Variants in GNB5 observed in about 807,000 individuals in gnomAD.
The protein encoded by GNB5 is guanine nucleotide-binding protein subunit beta-5.
Under a neutral mutation model 55.3 loss-of-function variants are expected in GNB5, and 37 were observed. That is an observed-to-expected ratio of 0.67 (90% CI 0.51 to 0.88). GNB5 has a LOEUF of 0.88. Ranked by LOEUF, GNB5 falls within the 40% of genes least tolerant of loss-of-function variation. The pLI, the probability that GNB5 is intolerant of heterozygous loss-of-function variation, is 0.00. For synonymous variants in GNB5, 219 were observed against 198.5 expected, an observed-to-expected ratio of 1.10 and a Z score of -0.87; for missense variants, 476 against 515.3, an observed-to-expected ratio of 0.92 and a Z score of 0.74.
chr15:52,155,024 G>C (rs2141216200), intron 3 of GNB5, among the ~76,000 whole-genome samples: 1 of 152,184 alleles, frequency 6.6e-6, no homozygotes, highest in East Asian at 1.9e-4. Context: ...AGCTGGTCCA[G>C]GCCCTTCATC....
At chr15:52,156,793 A>G (rs749131389) in intron 3 of GNB5, among the ~76,000 whole-genome samples, 8 of 152,196 alleles carry the variant, frequency 5.3e-5, no homozygotes, top group African/African-American at 7.2e-5. Flanking sequence ...CTAAAGTGCT[A>G]CATGAATGTT....
In GNB5 at chr15:52,189,899, G is replaced by A. The variant is rs559082147; in HGVS notation, c.-19+1423C>T. ...AGACATGAAGCAGATGAGTAGTTGC[G>A]AGGTGGAGGGAAGAGAGAATAAGGG... On this transcript the variant is annotated intron_variant, in intron 1 of 12. Transcript: ENST00000261837. Among the ~76,000 whole-genome samples, 8 of 152,274 alleles carry A rather than the reference G, an allele frequency of 5.3e-5. No individual in the cohort carries two copies. In the South Asian group the frequency reaches 1.2e-3, roughly 24 times the overall value.
intron 6 of GNB5, among the ~76,000 whole-genome samples, chr15:52,144,930 G>C (rs2033938075): frequency 2.6e-5 from 4 of 152,218 alleles, no homozygotes; most frequent in South Asian, 2.1e-4. Flanking sequence ...TCTGCCCCAG[G>C]GGTCTCCTCC....
At chr15:52,133,048 T>G (rs1406603787) in intron 9 of GNB5, among the ~76,000 whole-genome samples, 3 of 152,218 alleles carry the variant, frequency 2.0e-5, no homozygotes, top group Non-Finnish European at 4.4e-5. Flanking sequence ...TGTAAGAGAA[T>G]AGAGACCTTG....
chr15:52,153,028 G>T (rs1191509083), intron 4 of GNB5, among the ~76,000 whole-genome samples: 1 of 152,226 alleles, frequency 6.6e-6, no homozygotes, highest in African/African-American at 2.4e-5. Flanking sequence ...GACTCCAAGT[G>T]AGTCCCAAAT....
chr15:52,124,739 C>A (rs8040498), intron 11 of GNB5, 100 bp from the exon 12 acceptor site: 2 of 993,776 alleles, frequency 2.0e-6, no homozygotes, highest in Non-Finnish European at 3.1e-6. Context: ...GTGATTCAGG[C>A]GCACTGAGTC....
chr15:52,126,680 T>C lies in GNB5; in HGVS notation c.913-636A>G, dbSNP rs74659641. ...TATGATGACTATTCTTATATAAAAA[T>C]CTTTACATGTGTTTCTGGTTTCCTT... On this transcript the variant is annotated intron_variant, in intron 10 of 12. Transcript: ENST00000261837. Among the ~76,000 whole-genome samples, 6 of 152,350 alleles carry C rather than the reference T, an allele frequency of 3.9e-5. No homozygotes were observed. In the East Asian group the frequency reaches 9.6e-4, roughly 24 times the overall value.
chr15:52,141,259 T>C lies in GNB5; in HGVS notation c.508A>G (p.Lys170Glu). The part of the protein sequence containing the change: ...CAIACGGLDN[K>E]CSVYPLTFDK... ...AACGTCAAGGGGTACACAGAACACT[T>C]ATTATCCAAACCACTAGGATGGAAA... is the stretch of plus-strand genomic sequence containing the variant. The change falls in exon 7 of 13, where the codon AAG becomes GAG. Residue 170 changes from lysine to glutamate, a missense_variant. Lys to Glu is a moderately conservative substitution (Grantham distance 56, BLOSUM62 1). Transcript: ENST00000261837. The C allele has an allele frequency of 6.2e-7, 1 of 1,613,840 alleles. No individual in the cohort carries two copies. The highest frequency in any genetic ancestry group is 8.5e-7 in the Non-Finnish European group (1 of 1,179,718).
chr15:52,168,789 C>T (rs558385843), intron 3 of GNB5, among the ~76,000 whole-genome samples: 3 of 151,986 alleles, frequency 2.0e-5, no homozygotes, highest in African/African-American at 4.8e-5. Flanking sequence ...CCAATGGAAC[C>T]GAATGGAGAG....
rs1386311894 is a variant in GNB5 at position 52,120,217 on chromosome 15, C to G, written c.*2540G>C. ...TGGTTTGGTAGGTTTATCCCCAAGT[C>G]CTCTGGAAAAAAGAAAAGCTGATTA... On this transcript the variant is annotated 3_prime_UTR_variant, in exon 13 of 13. Transcript: ENST00000261837. 1 of 152,170 alleles carries G rather than the reference C, an allele frequency of 6.6e-6. No homozygotes were observed. The highest frequency in any genetic ancestry group is 1.5e-5 in the Non-Finnish European group (1 of 68,044). 9.4% of individuals were successfully genotyped at this position (152,170 alleles called of 1,614,324 possible).
At chr15:52,167,750 G>A (rs986797106) in intron 3 of GNB5, among the ~76,000 whole-genome samples, 1 of 151,398 alleles carries the variant, frequency 6.6e-6, no homozygotes, top group Non-Finnish European at 1.5e-5. Context: ...ATCAATAAAT[G>A]ATTCCCAATA....
In GNB5 at chr15:52,115,388, G is replaced by T. The variant is rs1228471688; in HGVS notation, c.*7369C>A. The T allele has an allele frequency of 6.6e-6, 1 of 152,164 alleles. No homozygotes were observed. The highest frequency in any genetic ancestry group is 1.5e-5 in the Non-Finnish European group (1 of 68,036). 9.4% of individuals were successfully genotyped at this position (152,164 alleles called of 1,614,324 possible). On this transcript the variant is annotated 3_prime_UTR_variant, in exon 13 of 13. Transcript: ENST00000261837. ...CAACTTGGAAGCTGTGCAGCTATGG[G>T]CAAGTTATTCAACTCTCCTAACCTC...
At chr15:52,179,963 C>A in intron 2 of GNB5, 84 bp from the exon 3 acceptor site, 6 of 1,387,216 alleles carry the variant, frequency 4.3e-6, no homozygotes, top group South Asian at 2.9e-5. Context: ...CAGCCGTCCC[C>A]GGCCCCGAGC....
Position 52,191,219 on chromosome 15 carries a change from C to T in GNB5, c.-19+103G>A, listed in dbSNP as rs561881536. 3.3e-5 allele frequency: 5 copies of T among 152,248 alleles called. No homozygotes were observed. The East Asian group carries it at 9.6e-4, about 29-fold the overall frequency. 9.4% of individuals were successfully genotyped at this position (152,248 alleles called of 1,614,324 possible). A position where few individuals can be genotyped will look rare whatever the true frequency, so the allele number is the denominator to read the frequency against. ...CAAAACCCCTCACCCATGCTCCCAC[C>T]GCACAGAAAGACCTGCTAACACTGT... On this transcript the variant is annotated intron_variant, in intron 1 of 12. Coordinates refer to ENST00000261837, the MANE Select transcript of GNB5 (RefSeq NM_016194.4).
chr15:52,133,146 A>C (rs897183660), intron 9 of GNB5, among the ~76,000 whole-genome samples: 2 of 152,202 alleles, frequency 1.3e-5, no homozygotes, highest in African/African-American at 4.8e-5. Context: ...TGAATGGATG[A>C]AAAATGCTGA....
chr15:52,144,507 G>A (rs1237146173), intron 6 of GNB5: 2 of 152,242 alleles, frequency 1.3e-5, no homozygotes, highest in African/African-American at 4.8e-5. Context: ...CACTGCAGCA[G>A]AGGTCTGGCT....
chr15:52,162,486 C>T (rs1018939574), intron 3 of GNB5, among the ~76,000 whole-genome samples: 1 of 152,054 alleles, frequency 6.6e-6, no homozygotes, highest in African/African-American at 2.4e-5. Flanking sequence ...TGAACAAGCT[C>T]TAAAATATCC....
chr15:52,139,238 T>A (rs2033796706), intron 7 of GNB5, among the ~76,000 whole-genome samples: 1 of 152,092 alleles, frequency 6.6e-6, no homozygotes, highest in African/African-American at 2.4e-5. Context: ...GCTCTGGAGT[T>A]CAAGATCAGC....
At chr15:52,136,995 G>A (rs1259579010) in intron 7 of GNB5, 5 of 453,908 alleles carry the variant, frequency 1.1e-5, no homozygotes, top group Admixed American at 7.1e-5. Flanking sequence ...TTAACAGCTT[G>A]CTCATCCAGA....
Sources: allele counts gnomAD v4.1 joint callset (sites outside exome capture counted in the v4.1 genomes callset), GRCh38; gene constraint gnomAD v4.1.1; transcripts MANE v1.5; gene names NCBI Gene and HGNC (gene_info 2026-07-23, HGNC 2026-07-21).